Variants in RWDD1 observed in about 807,000 individuals in gnomAD.
The protein encoded by RWDD1 is RWD domain containing 1.
Under a neutral mutation model 31.6 loss-of-function variants are expected in RWDD1, and 17 were observed. The ratio of observed to expected loss-of-function variants is 0.54; its 90% CI spans 0.37 to 0.81. The LOEUF (loss-of-function observed/expected upper bound fraction) is 0.81, where lower values mean the gene tolerates loss of function less well. Ranked by LOEUF, RWDD1 falls within the 30% of genes least tolerant of loss-of-function variation. The probability of loss-of-function intolerance (pLI) is 0.00; values close to 1 mark genes in which losing one functional copy is unlikely to be tolerated. For synonymous variants in RWDD1, 78 were observed against 94.2 expected (o/e 0.83, Z 0.99); for missense variants, 204 against 274.5 (o/e 0.74, Z 1.82).
chr6:116,583,227 T>G (rs1774978822), intron 2 of RWDD1, among the ~76,000 whole-genome samples: 1 of 152,196 alleles, frequency 6.6e-6, no homozygotes, highest in Admixed American at 6.5e-5. Flanking sequence ...TCCTTCTACC[T>G]TGGCTGTCCA....
chr6:116,574,555 A>T (rs1774800454), intron 1 of RWDD1, among the ~76,000 whole-genome samples: 1 of 152,034 alleles, frequency 6.6e-6, no homozygotes, highest in African/African-American at 2.4e-5. Flanking sequence ...TACCTCTATT[A>T]TCCCTGTTTT....
intron 6 of RWDD1, among the ~76,000 whole-genome samples, chr6:116,591,220 T>C (rs1775138932): frequency 6.6e-6 from 1 of 152,204 alleles, no homozygotes; most frequent in Non-Finnish European, 1.5e-5. Flanking sequence ...AAAATACATT[T>C]TGGAGAATAA....
chr6:116,578,915 G>A (rs937070534), intron 1 of RWDD1, among the ~76,000 whole-genome samples: 10 of 152,010 alleles, frequency 6.6e-5, no homozygotes, highest in South Asian at 4.1e-4. Flanking sequence ...CTGCTCTGTC[G>A]TCCAGGCTGG....
At chr6:116,587,913 G>T (rs1172087706) in intron 3 of RWDD1, among the ~76,000 whole-genome samples, 1 of 152,086 alleles carries the variant, frequency 6.6e-6, no homozygotes, top group African/African-American at 2.4e-5. Context: ...TGTTCAGGCT[G>T]GGTGGGTGGT....
chr6:116,585,762 A>G (rs9488974), intron 3 of RWDD1, among the ~76,000 whole-genome samples: 26,382 of 152,102 alleles, frequency 0.17, 3,437 homozygotes, highest in African/African-American at 0.36. Flanking sequence ...GTTACCTTGC[A>G]TGAAGTTATG....
chr6:116,590,879 T>G lies in RWDD1; in HGVS notation c.548-9T>G. On this transcript the variant is annotated splice_polypyrimidine_tract_variant and intron_variant, in intron 5 of 6. Coordinates refer to ENST00000466444, the MANE Select transcript of RWDD1 (RefSeq NM_015952.4). ...ATTTGAATTAAACATACTTTTTTTT[T>G]TTTTTTAGGGAAACAACTATTTGAA... The G allele has an allele frequency of 6.4e-7, 1 of 1,565,154 alleles. No individual in the cohort carries two copies. The highest frequency in any genetic ancestry group is 8.6e-7 in the Non-Finnish European group (1 of 1,164,742).
rs766664683 is a variant in RWDD1, at chr6:116,590,362, A to T, written c.505A>T (p.Arg169Trp). 5 of 1,595,150 alleles carry T rather than the reference A, an allele frequency of 3.1e-6. No homozygotes were observed. Among genetic ancestry groups the T allele is most frequent in the Non-Finnish European group, 4.3e-6 (5 of 1,173,892 alleles). Residue 169 changes from arginine (R) to tryptophan (W), a missense_variant, in exon 5 of 7, where the codon AGG becomes TGG. Coordinates refer to ENST00000466444, the MANE Select transcript of RWDD1 (RefSeq NM_015952.4). ...DAELLEIKKK[R>W]MKEEEQAGKN... is the part of the protein sequence containing the mutation. Reference sequence around the variant, plus strand: ...AGAACTCTTGGAAATTAAAAAGAAAAGGATGAAAGAAGAAGAACAAGCAGG... The same window carrying T: ...AGAACTCTTGGAAATTAAAAAGAAATGGATGAAAGAAGAAGAACAAGCAGG...
intron 1 of RWDD1, among the ~76,000 whole-genome samples, chr6:116,579,010 G>A (rs1386640624): frequency 1.3e-4 from 20 of 152,046 alleles, no homozygotes; most frequent in Non-Finnish European, 2.9e-5. Flanking sequence ...GGAGTAGCTG[G>A]GATTACAGGC....
chr6:116,587,772 A>G (rs1775070681), intron 3 of RWDD1, among the ~76,000 whole-genome samples: 1 of 152,154 alleles, frequency 6.6e-6, no homozygotes, highest in South Asian at 2.1e-4. Flanking sequence ...AAGACCAGTT[A>G]GGAGTTTCTT....
chr6:116,573,483 A>C (rs1774783947), intron 1 of RWDD1, among the ~76,000 whole-genome samples: 1 of 152,214 alleles, frequency 6.6e-6, no homozygotes. Context: ...ATAAATTAAA[A>C]TGAGGTGTCT....
intron 6 of RWDD1, 146 bp downstream of exon 6, chr6:116,591,096 AT>A: frequency 9.8e-7 from 1 of 1,016,866 alleles, no homozygotes; most frequent in Non-Finnish European, 1.3e-6. Context: ...CCCTGACTCT[AT>A]TAAAAAAAAA....
Position 116,584,723 on chromosome 6 carries a change from T to G in RWDD1, c.140-4T>G. ...TCACATCAAACTCTTATCTTGTGTC[T>G]TAGCTGTCCAGACTACCCTCAAGTT... On this transcript the variant is annotated splice_polypyrimidine_tract_variant and splice_region_variant and intron_variant, in intron 2 of 6. Transcript: ENST00000466444. 6.2e-7 allele frequency: 1 copy of G among 1,610,074 alleles called. No homozygotes were observed. The highest frequency in any genetic ancestry group is 1.3e-5 in the African/African-American group (1 of 74,912).
intron 1 of RWDD1, among the ~76,000 whole-genome samples, chr6:116,575,317 C>T (rs1012285500): frequency 6.6e-6 from 1 of 152,034 alleles, no homozygotes; most frequent in Non-Finnish European, 1.5e-5. Context: ...AACTCCTGGC[C>T]TCAAGTGATC....
intron 1 of RWDD1, chr6:116,572,848 T>C: frequency 1.0e-6 from 1 of 985,492 alleles, no homozygotes; most frequent in South Asian, 4.7e-5. Context: ...TTGTTCTGCT[T>C]TGCCAACAGG....
Position 116,590,914 on chromosome 6 carries a change from A to C in RWDD1, c.574A>C (p.Asn192His), listed in dbSNP as rs767182539. 22 of 1,572,146 alleles carry C rather than the reference A, an allele frequency of 1.4e-5. No individual in the cohort carries two copies. The highest frequency in any genetic ancestry group is 1.6e-5 in the Non-Finnish European group (19 of 1,166,820). Residue 192 changes from asparagine to histidine, a missense_variant, in exon 6 of 7, where the codon AAT becomes CAT. Transcript: ENST00000466444. The stretch of plus-strand genomic sequence containing the variant: ...GAAACAACTATTTGAAACAGATCAT[A>C]ATCTTGACACATCTGATATCCAGTT... ...SGKQLFETDH[N>H]LDTSDIQFLE...
chr6:116,571,561 A>T lies in RWDD1; in HGVS notation c.-22A>T. ...CGCCGCCTAGGTGTCTGGGCGATCT[A>T]TGGGCAAGAGCAAGGGCCACGATGA... On this transcript the variant is annotated 5_prime_UTR_variant, in exon 1 of 7. It removes an upstream start codon present in the reference 5' UTR. Coordinates refer to ENST00000466444, the MANE Select transcript of RWDD1 (RefSeq NM_015952.4). The T allele has an allele frequency of 1.9e-6, 3 of 1,611,070 alleles. No homozygotes were observed. Among genetic ancestry groups the T allele is most frequent in the Non-Finnish European group, 2.5e-6 (3 of 1,178,918 alleles).
intron 1 of RWDD1, among the ~76,000 whole-genome samples, chr6:116,575,377 T>C (rs1357386010): frequency 6.6e-6 from 1 of 152,178 alleles, no homozygotes; most frequent in African/African-American, 2.4e-5. Context: ...TGAGTCACCA[T>C]GCCTGGCCCT....
At chr6:116,592,248 G>A (rs549809735) in intron 6 of RWDD1, among the ~76,000 whole-genome samples, 1 of 151,744 alleles carries the variant, frequency 6.6e-6, no homozygotes, top group Non-Finnish European at 1.5e-5. Context: ...ATTATTCAAG[G>A]TCTTATATTT....
intron 2 of RWDD1, among the ~76,000 whole-genome samples, chr6:116,584,478 G>A (rs11966593): frequency 0.11 from 16,591 of 152,194 alleles, 1,050 homozygotes; most frequent in Admixed American, 0.18. Context: ...TCTCAGACAT[G>A]CAGTCTGGTA....
Sources: gnomAD v4.1 joint callset for allele counts (sites outside exome capture counted in the v4.1 genomes callset) on GRCh38, gnomAD v4.1.1 for gene constraint, MANE v1.5 for transcripts, NCBI Gene and HGNC (gene_info 2026-07-23, HGNC 2026-07-21) for gene names.